The following TSHZ2 variants were observed in gnomAD, a reference collection of about 807,000 sequenced individuals.
TSHZ2 encodes the protein teashirt zinc finger homeobox 2.
TSHZ2 carries 21 observed loss-of-function variants against 74.4 expected under a neutral mutation model. That is an observed-to-expected ratio of 0.28 (90% CI 0.20 to 0.41). TSHZ2 has a LOEUF of 0.41. TSHZ2 is among the 10% of genes least tolerant of loss of function. The probability of loss-of-function intolerance (pLI) is 1.00; values close to 1 mark genes in which losing one functional copy is unlikely to be tolerated. For missense variants in TSHZ2, 1,244 were observed against 1,293.5 expected (o/e 0.96, Z 0.59); for synonymous variants, 540 against 515.3 (o/e 1.05, Z -0.65).
intron 1 of TSHZ2, among the ~76,000 whole-genome samples, chr20:53,065,659 G>A (rs150171366): frequency 8.3e-4 from 127 of 152,296 alleles, no homozygotes; most frequent in African/African-American, 3.0e-3. Context: ...CTGGAAGGGG[G>A]CGTGGAAATC....
intron 1 of TSHZ2, among the ~76,000 whole-genome samples, chr20:53,104,627 C>T (rs1468162166): frequency 6.6e-6 from 1 of 152,180 alleles, no homozygotes; most frequent in Non-Finnish European, 1.5e-5. Context: ...CCATCAAATT[C>T]TGCCTCCTCT....
intron 2 of TSHZ2, among the ~76,000 whole-genome samples, chr20:53,446,837 G>C (rs1371173946): frequency 6.6e-6 from 1 of 152,130 alleles, no homozygotes; most frequent in African/African-American, 2.4e-5. Flanking sequence ...CTCCTAACAT[G>C]GGAGATGAGT....
intron 2 of TSHZ2, among the ~76,000 whole-genome samples, chr20:53,295,435 C>T (rs997429714): frequency 2.6e-5 from 4 of 151,866 alleles, no homozygotes; most frequent in Admixed American, 6.6e-5. Context: ...TGTGTGTGCA[C>T]GTGTATGACT....
At chr20:53,076,059 A>G (rs1985354776) in intron 1 of TSHZ2, among the ~76,000 whole-genome samples, 1 of 152,214 alleles carries the variant, frequency 6.6e-6, no homozygotes, top group African/African-American at 2.4e-5. Flanking sequence ...ACCCTAGGAC[A>G]CTTTTCACTT....
chr20:53,476,508 T>C (rs1289976162), intron 2 of TSHZ2, among the ~76,000 whole-genome samples: 2 of 150,864 alleles, frequency 1.3e-5, no homozygotes, highest in Non-Finnish European at 3.0e-5. Context: ...TGGGACGTAT[T>C]TCAAAATAAT....
chr20:52,995,138 A>T (rs914751756), intron 1 of TSHZ2, among the ~76,000 whole-genome samples: 4 of 152,166 alleles, frequency 2.6e-5, no homozygotes, highest in Non-Finnish European at 5.9e-5. Flanking sequence ...TTTGCCTGTG[A>T]TACATTTTCC....
At chr20:53,326,725 T>C in intron 2 of TSHZ2, among the ~76,000 whole-genome samples, 1 of 152,240 alleles carries the variant, frequency 6.6e-6, no homozygotes, top group African/African-American at 2.4e-5. Context: ...AATATCTTAT[T>C]GCAGAAAGGT....
At chr20:53,359,449 A>G (rs1980970807) in intron 2 of TSHZ2, among the ~76,000 whole-genome samples, 1 of 152,242 alleles carries the variant, frequency 6.6e-6, no homozygotes, top group South Asian at 2.1e-4. Context: ...TTTCATAAAT[A>G]GGACAGCAGG....
At chr20:53,337,017 T>C (rs1238926718) in intron 2 of TSHZ2, among the ~76,000 whole-genome samples, 1 of 152,154 alleles carries the variant, frequency 6.6e-6, no homozygotes, top group Non-Finnish European at 1.5e-5. Context: ...CAAGTGTGTA[T>C]ACATATATAC....
intron 1 of TSHZ2, among the ~76,000 whole-genome samples, chr20:53,231,714 C>T (rs1989828466): frequency 6.6e-6 from 1 of 152,284 alleles, no homozygotes; most frequent in South Asian, 2.1e-4. Flanking sequence ...AGGAGACTCA[C>T]AGATAGCATC....
chr20:53,091,042 G>A (rs1341825453), intron 1 of TSHZ2, among the ~76,000 whole-genome samples: 2 of 152,170 alleles, frequency 1.3e-5, no homozygotes. Flanking sequence ...AACTCTGATA[G>A]CACACAGTGG....
chr20:53,390,050 G>C (rs2145656398), intron 2 of TSHZ2, among the ~76,000 whole-genome samples: 1 of 152,264 alleles, frequency 6.6e-6, no homozygotes, highest in South Asian at 2.1e-4. Context: ...TTTGAGCCAG[G>C]GAATAGGGTG....
intron 2 of TSHZ2, among the ~76,000 whole-genome samples, chr20:53,416,221 A>C (rs1289548895): frequency 6.6e-6 from 1 of 152,360 alleles, no homozygotes; most frequent in South Asian, 2.1e-4. Flanking sequence ...CACAGACCCC[A>C]GAGGGCGATT....
intron 2 of TSHZ2, among the ~76,000 whole-genome samples, chr20:53,401,780 T>C (rs1258187955): frequency 2.8e-5 from 4 of 143,622 alleles, no homozygotes; most frequent in Non-Finnish European, 4.6e-5. Context: ...TTTTCTTTTT[T>C]TTTTTTTTTT....
At chr20:53,338,717 T>TAAATGTCAGGAGTACTCAGCTCC (rs1298816163) in intron 2 of TSHZ2, among the ~76,000 whole-genome samples, 1 of 151,066 alleles carries the variant, frequency 6.6e-6, no homozygotes, top group Non-Finnish European at 1.5e-5. Flanking sequence ...TACTCAGCTC[T>TAAATGTCAGGAGTACTCAGCTCC]AAATGTCAGG....
chr20:53,199,788 C>T (rs952985118), intron 1 of TSHZ2, among the ~76,000 whole-genome samples: 1 of 152,140 alleles, frequency 6.6e-6, no homozygotes, highest in East Asian at 1.9e-4. Context: ...TAGTGTATAT[C>T]GGGGGCAGGA....
At chr20:53,140,129 A>G (rs962540447) in intron 1 of TSHZ2, among the ~76,000 whole-genome samples, 10 of 152,204 alleles carry the variant, frequency 6.6e-5, no homozygotes, top group African/African-American at 1.9e-4. Flanking sequence ...TAAAAAGTTT[A>G]CTGTAGTGGG....
At position 53,488,744 on chromosome 20, in the gene TSHZ2, C is replaced by A; in HGVS notation, c.*1609C>A. The stretch of plus-strand genomic sequence containing the variant: ...AATCTCAACACTGACAAAATGAAAC[C>A]AAATATCTCTTCCTCACCATTTCTC... On this transcript the variant is annotated 3_prime_UTR_variant, in exon 3 of 3. Transcript: ENST00000371497. 6.9e-6 allele frequency: 2 copies of A among 290,372 alleles called. No individual in the cohort carries two copies. Among genetic ancestry groups the A allele is most frequent in the Non-Finnish European group, 1.3e-5 (2 of 148,690 alleles). The allele number at this position is 290,372 out of a possible 1,614,324, so 18.0% of individuals were successfully genotyped here.
At chr20:53,279,389 T>G (rs1401192359) in intron 2 of TSHZ2, among the ~76,000 whole-genome samples, 1 of 152,228 alleles carries the variant, frequency 6.6e-6, no homozygotes, top group African/African-American at 2.4e-5. Flanking sequence ...CATTTTTGTG[T>G]GTCATAAAAC....
Sources: gnomAD v4.1 joint callset for allele counts (sites outside exome capture counted in the v4.1 genomes callset) on GRCh38, gnomAD v4.1.1 for gene constraint, MANE v1.5 for transcripts, NCBI Gene and HGNC (gene_info 2026-07-23, HGNC 2026-07-21) for gene names.